BTBD9: variants seen among roughly 807,000 people sequenced by gnomAD.
The protein encoded by BTBD9 is BTB domain containing 9, also known as BTB/POZ domain-containing protein 9.
BTBD9 carries 49 observed loss-of-function variants against 64.3 expected under a neutral mutation model. The ratio of observed to expected loss-of-function variants is 0.76; its 90% CI spans 0.61 to 0.97. The LOEUF (loss-of-function observed/expected upper bound fraction) is 0.97. Among genes scored for constraint, BTBD9 ranks in the 50% least tolerant of loss-of-function variants. The probability of loss-of-function intolerance (pLI) is 0.00; values close to 1 mark genes in which losing one functional copy is unlikely to be tolerated. For synonymous variants in BTBD9, 260 were observed against 274.7 expected (o/e 0.95, Z 0.53); for missense variants, 598 against 762.1 (o/e 0.78, Z 2.53).
chr6:38,557,015 CAAAAAAAAAAAAAAAAAAAAAAAA>C (rs397888418), intron 6 of BTBD9, among the ~76,000 whole-genome samples: 86 of 15,408 alleles, frequency 5.6e-3, no homozygotes, highest in Admixed American at 0.021. Context: ...TCCATCTCAC[CAAAAAAAAAAAAAAAAAAAAAAAA>C]AAAAAAAAAA....
chr6:38,499,184 C>T (rs1425473245), intron 6 of BTBD9, among the ~76,000 whole-genome samples: 2 of 151,978 alleles, frequency 1.3e-5, no homozygotes, highest in Non-Finnish European at 2.9e-5. Context: ...AAATTAAGCA[C>T]TTTTGTCTCA....
chr6:38,361,875 A>AC (rs66499422), intron 6 of BTBD9, among the ~76,000 whole-genome samples: 2 of 151,606 alleles, frequency 1.3e-5, no homozygotes, highest in Admixed American at 6.6e-5. Flanking sequence ...CAGGAAAAAA[A>AC]AAAAACAAAA....
chr6:38,614,976 G>A (rs762966574), intron 1 of BTBD9, among the ~76,000 whole-genome samples: 9 of 152,094 alleles, frequency 5.9e-5, no homozygotes, highest in Non-Finnish European at 1.3e-4. Context: ...GGCTCTTATC[G>A]TAAAAGAAGC....
At chr6:38,593,897 A>T in intron 3 of BTBD9, 67 bp downstream of exon 3, 2 of 1,343,576 alleles carry the variant, frequency 1.5e-6, no homozygotes, top group Non-Finnish European at 2.1e-6. Flanking sequence ...CCATTGCTAT[A>T]CTTCTACAGT....
intron 9 of BTBD9, among the ~76,000 whole-genome samples, chr6:38,246,602 T>TA (rs200796873): frequency 0.13 from 18,539 of 144,286 alleles, 1,508 homozygotes; most frequent in East Asian, 0.48. Context: ...GTTTGCCCTT[T>TA]AAAAAAAAAA....
intron 1 of BTBD9, among the ~76,000 whole-genome samples, chr6:38,601,523 A>G (rs1036521076): frequency 2.6e-5 from 4 of 151,928 alleles, no homozygotes; most frequent in Non-Finnish European, 4.4e-5. Context: ...TGTCTCCACA[A>G]AAAAATTTAA....
chr6:38,264,448 G>A lies in BTBD9; in HGVS notation c.1455-7932C>T, dbSNP rs541637409. Among the ~76,000 whole-genome samples the A allele has an allele frequency of 2.6e-5, 4 of 152,326 alleles. No individual in the cohort carries two copies. In the South Asian group the frequency reaches 8.3e-4, roughly 32 times the overall value. On this transcript the variant is annotated intron_variant, in intron 8 of 10. Transcript: ENST00000481247. ...GTTGTGGTGACAAAGGGAAACTTCAGCACTTTCACCTAATTCGGAAAAGTC... is the reference window on the plus strand; with the variant it reads ...GTTGTGGTGACAAAGGGAAACTTCAACACTTTCACCTAATTCGGAAAAGTC...
intron 8 of BTBD9, among the ~76,000 whole-genome samples, chr6:38,258,827 T>G (rs952305229): frequency 6.6e-6 from 1 of 152,138 alleles, no homozygotes; most frequent in South Asian, 2.1e-4. Flanking sequence ...GAGGCGGAGC[T>G]TGCAGTGAGC....
chr6:38,351,513 T>TG (rs1764512352), intron 6 of BTBD9, among the ~76,000 whole-genome samples: 1 of 142,710 alleles, frequency 7.0e-6, no homozygotes, highest in South Asian at 2.4e-4. Context: ...TGTTGTTTTT[T>TG]TTTTTTTTTT....
chr6:38,420,854 C>G (rs1170003725), intron 6 of BTBD9, among the ~76,000 whole-genome samples: 1 of 151,804 alleles, frequency 6.6e-6, no homozygotes, highest in Non-Finnish European at 1.5e-5. Context: ...GACTCCGTCT[C>G]AAATAATAAT....
At chr6:38,623,574 G>A (rs543353277) in intron 1 of BTBD9, among the ~76,000 whole-genome samples, 2 of 152,352 alleles carry the variant, frequency 1.3e-5, no homozygotes, top group South Asian at 2.1e-4. Context: ...CTTAGGGGAA[G>A]AGTGTTGTTT....
chr6:38,371,010 CATCT>C (rs1238434887), intron 6 of BTBD9, among the ~76,000 whole-genome samples: 1 of 152,170 alleles, frequency 6.6e-6, no homozygotes, highest in Non-Finnish European at 1.5e-5. Context: ...GTGTTTTTCT[CATCT>C]GAGAATTTTT....
intron 6 of BTBD9, among the ~76,000 whole-genome samples, chr6:38,470,742 G>A (rs926073983): frequency 2.6e-5 from 4 of 152,144 alleles, no homozygotes; most frequent in African/African-American, 7.2e-5. Context: ...TAAAGCATGC[G>A]CAGCACTCTG....
chr6:38,357,393 T>C (rs1343940219), intron 6 of BTBD9, among the ~76,000 whole-genome samples: 3 of 152,214 alleles, frequency 2.0e-5, no homozygotes, highest in Non-Finnish European at 4.4e-5. Flanking sequence ...TCCCATTTTC[T>C]TTATCCTTGT....
At chr6:38,562,473 T>A (rs776042951) in intron 6 of BTBD9, among the ~76,000 whole-genome samples, 1 of 152,222 alleles carries the variant, frequency 6.6e-6, no homozygotes, top group Non-Finnish European at 1.5e-5. Flanking sequence ...CAACTCCCTA[T>A]TTATTTTTTA....
chr6:38,374,281 AAG>A (rs2127607556), intron 6 of BTBD9, among the ~76,000 whole-genome samples: 1 of 91,456 alleles, frequency 1.1e-5, no homozygotes, highest in South Asian at 4.2e-4. Flanking sequence ...AAAAAAAAAA[AAG>A]TATATATATA....
intron 1 of BTBD9, among the ~76,000 whole-genome samples, chr6:38,606,311 T>C (rs1777432056): frequency 1.3e-5 from 2 of 152,234 alleles, no homozygotes; most frequent in Admixed American, 1.3e-4. Flanking sequence ...ATCTATCCTA[T>C]CAATCCTGTC....
chr6:38,588,040 A>C (rs938675984), intron 4 of BTBD9: 14 of 730,678 alleles, frequency 1.9e-5, no homozygotes, highest in Non-Finnish European at 3.1e-5. Flanking sequence ...CTAAGATACA[A>C]GCAGGTCAGA....
intron 8 of BTBD9, among the ~76,000 whole-genome samples, chr6:38,271,409 C>T (rs539322045): frequency 2.0e-5 from 3 of 152,186 alleles, no homozygotes; most frequent in African/African-American, 7.2e-5. Flanking sequence ...TATTATTATT[C>T]ACATTTTTTT....
Sources: gnomAD v4.1 joint callset for allele counts (sites outside exome capture counted in the v4.1 genomes callset) on GRCh38, gnomAD v4.1.1 for gene constraint, MANE v1.5 for transcripts, NCBI Gene and HGNC (gene_info 2026-07-23, HGNC 2026-07-21) for gene names.